Variants in DHRSX observed in about 807,000 individuals in gnomAD.
The protein encoded by DHRSX is dehydrogenase/reductase X-linked, also known as polyprenol dehydrogenase.
Under a neutral mutation model 34.0 loss-of-function variants are expected in DHRSX, and 31 were observed. The observed-to-expected ratio is 0.91, with a 90% CI of 0.69 to 1.23. The LOEUF is 1.23. Among genes scored for constraint, DHRSX ranks in the 50% most tolerant of loss-of-function variants. The pLI, the probability that DHRSX is intolerant of heterozygous loss-of-function variation, is 0.00. For synonymous variants in DHRSX, 201 were observed against 183.8 expected, an observed-to-expected ratio of 1.09 and a Z score of -0.76; for missense variants, 414 against 428.1, an observed-to-expected ratio of 0.97 and a Z score of 0.29.
chrX:2,399,733 A>AAG (rs2043462310), intron 3 of DHRSX, among the ~76,000 whole-genome samples: 1 of 140,588 alleles, frequency 7.1e-6, no homozygotes, highest in African/African-American at 2.7e-5. Context: ...AGCAAAAAAA[A>AAG]AAAAAAAAAC....
rs2016341371 is a variant in DHRSX at position 2,248,142 on chromosome X, A to G, written c.597-4912T>C. On this transcript the variant is annotated intron_variant, in intron 5 of 6. Coordinates refer to ENST00000334651, the MANE Select transcript of DHRSX (RefSeq NM_145177.3). ...GGGAAACATCACCTCTACTGAAAAT[A>G]CAAACATTAGGCCGGGCACGGTGGC... Among the ~76,000 whole-genome samples the G allele has an allele frequency of 2.6e-5, 4 of 152,008 alleles. No homozygotes were observed. The South Asian group carries it at 8.3e-4, about 31-fold the overall frequency.
At chrX:2,371,479 T>C (rs1359492668) in intron 3 of DHRSX, among the ~76,000 whole-genome samples, 1 of 127,642 alleles carries the variant, frequency 7.8e-6, no homozygotes. Context: ...CCATAGACCC[T>C]CCTCCTCCCG....
Position 2,496,149 on chromosome X carries a change from A to G in DHRSX, c.109+4668T>C, listed in dbSNP as rs4892842. ...TGGTGGCGATAGTTAATAGTGTATTACATATTTCAAAATAGCTAAAAGAGG... is the reference window on the plus strand; with the variant it reads ...TGGTGGCGATAGTTAATAGTGTATTGCATATTTCAAAATAGCTAAAAGAGG... On this transcript the variant is annotated intron_variant, in intron 1 of 6. Transcript: ENST00000334651. Among the ~76,000 whole-genome samples the G allele has an allele frequency of 8.8e-3, 1,334 of 152,320 alleles. 40 individuals carry two copies. Among genetic ancestry groups the G allele is most frequent in the East Asian group, 0.086 (447 of 5,192 alleles).
chrX:2,302,849 A>C (rs1214604459), intron 3 of DHRSX, among the ~76,000 whole-genome samples: 2 of 152,114 alleles, frequency 1.3e-5, no homozygotes, highest in Non-Finnish European at 2.9e-5. Flanking sequence ...ATGTTTCTTA[A>C]ATGCATTTTT....
chrX:2,489,577 G>A (rs756445773), intron 1 of DHRSX: 7 of 1,612,684 alleles, frequency 4.3e-6, no homozygotes, highest in Non-Finnish European at 5.9e-6. Context: ...TGAGGTGGTG[G>A]TTGTTGCTGT....
chrX:2,452,694 A>G (rs7879495), intron 1 of DHRSX, among the ~76,000 whole-genome samples: 70,595 of 151,636 alleles, frequency 0.47, 19,350 homozygotes, highest in African/African-American at 0.75. Flanking sequence ...CTAAGGGACC[A>G]CTGCCAAGTA....
Position 2,447,923 on chromosome X carries a change from G to A in DHRSX, c.110-22619C>T, listed in dbSNP as rs138078623. Reference sequence around the variant, plus strand: ...AACATTTCAGTTGGAGGCCAGGAGCGGTGGCTTATGTCCGGAATCACAATG... The same window carrying A: ...AACATTTCAGTTGGAGGCCAGGAGCAGTGGCTTATGTCCGGAATCACAATG... On this transcript the variant is annotated intron_variant, in intron 1 of 6. Transcript: ENST00000334651. Among the ~76,000 whole-genome samples the A allele has an allele frequency of 3.5e-3, 517 of 149,600 alleles. 3 individuals carry two copies. Among genetic ancestry groups the A allele is most frequent in the African/African-American group, 0.012 (487 of 40,424 alleles).
chrX:2,266,837 T>C lies in DHRSX; in HGVS notation c.499A>G (p.Lys167Glu). ...LLTNLLLDTL[K>E]ESGSPGHSAR... Reference sequence around the variant, plus strand: ...CTGTGGCCAGGGGACCCAGACTCTTTCAGCGTATCCAAGAGAAGGTTGGTC... The same window carrying C: ...CTGTGGCCAGGGGACCCAGACTCTTCCAGCGTATCCAAGAGAAGGTTGGTC... Residue 167 changes from lysine to glutamate, a missense_variant, in exon 5 of 7, where the codon AAA becomes GAA. Lys to Glu is a moderately conservative substitution (Grantham distance 56, BLOSUM62 1). Transcript: ENST00000334651. 3.1e-6 allele frequency: 5 copies of C among 1,613,942 alleles called. No individual in the cohort carries two copies. The highest frequency in any genetic ancestry group is 4.2e-6 in the Non-Finnish European group (5 of 1,179,862).
rs2015499064 is a variant in DHRSX, at chrX:2,220,623, GAGTGC to G, written c.*413_*417del. 1 of 166,952 alleles carries G rather than the reference GAGTGC, an allele frequency of 6.0e-6. No homozygotes were observed. The highest frequency in any genetic ancestry group is 1.3e-5 in the Non-Finnish European group (1 of 77,844). The allele number at this position is 166,952 out of a possible 1,614,324, so 10.3% of individuals were successfully genotyped here. A position where few individuals can be genotyped will look rare whatever the true frequency, so the allele number is the denominator to read the frequency against. ...CAGCTGGGTCTCTGGAAAAATGAGT[GAGTGC>G]AGGAACAAAATCAAACAGGAGACCT... is the stretch of plus-strand genomic sequence containing the variant. On this transcript the variant is annotated 3_prime_UTR_variant, in exon 7 of 7. Transcript: ENST00000334651.
At chrX:2,347,021 T>G (rs1217344647) in intron 3 of DHRSX, among the ~76,000 whole-genome samples, 1 of 152,326 alleles carries the variant, frequency 6.6e-6, no homozygotes, top group East Asian at 1.9e-4. Context: ...GGTGTCTCTG[T>G]GCCATATTGT....
chrX:2,386,935 C>A (rs1257520888), intron 3 of DHRSX, among the ~76,000 whole-genome samples: 5 of 148,318 alleles, frequency 3.4e-5, no homozygotes, highest in Admixed American at 2.7e-4. Flanking sequence ...TATTTCTGCA[C>A]AATGTCATTA....
intron 3 of DHRSX, among the ~76,000 whole-genome samples, chrX:2,402,181 G>A (rs773328874): frequency 1.9e-4 from 29 of 152,296 alleles, no homozygotes; most frequent in Admixed American, 1.6e-3. Flanking sequence ...GACGTGAGCC[G>A]ACTTGCTTAA....
intron 4 of DHRSX, among the ~76,000 whole-genome samples, chrX:2,284,156 T>G (rs1422761950): frequency 2.0e-5 from 3 of 151,602 alleles, no homozygotes; most frequent in Non-Finnish European, 4.4e-5. Context: ...ATTCATTCCT[T>G]TGAATTCATT....
At chrX:2,389,479 G>C (rs1301472197) in intron 3 of DHRSX, among the ~76,000 whole-genome samples, 4 of 152,174 alleles carry the variant, frequency 2.6e-5, no homozygotes, top group East Asian at 3.9e-4. Flanking sequence ...GCTTGGGAGA[G>C]GGAGACAGGG....
At chrX:2,224,099 C>T (rs1426487606) in intron 6 of DHRSX, among the ~76,000 whole-genome samples, 1 of 152,226 alleles carries the variant, frequency 6.6e-6, no homozygotes, top group Admixed American at 6.5e-5. Flanking sequence ...CAAACAAATC[C>T]TTAAATCAGC....
At chrX:2,285,475 G>T (rs1445234117) in intron 4 of DHRSX, among the ~76,000 whole-genome samples, 1 of 152,178 alleles carries the variant, frequency 6.6e-6, no homozygotes, top group Non-Finnish European at 1.5e-5. Context: ...AGAATCTAAT[G>T]CTGCTGCTGA....
At chrX:2,277,229 GA>G (rs1324936865) in intron 4 of DHRSX, among the ~76,000 whole-genome samples, 1 of 7,766 alleles carries the variant, frequency 1.3e-4, no homozygotes, top group South Asian at 3.0e-3. Flanking sequence ...GAGAGAGAAG[GA>G]AGAGGAGGAA....
intron 1 of DHRSX, among the ~76,000 whole-genome samples, chrX:2,449,869 T>C (rs1371883893): frequency 6.6e-6 from 1 of 152,128 alleles, no homozygotes; most frequent in Non-Finnish European, 1.5e-5. Context: ...CTCAATCTCC[T>C]GTACTCAAGC....
intron 6 of DHRSX, among the ~76,000 whole-genome samples, chrX:2,232,202 A>T (rs67115939): frequency 0.8 from 121,569 of 151,464 alleles, 49,117 homozygotes; most frequent in East Asian, 0.95. Flanking sequence ...AGCTTTTCCT[A>T]AAAAAAAACT....
Sources: gnomAD v4.1 joint callset for allele counts (sites outside exome capture counted in the v4.1 genomes callset) on GRCh38, gnomAD v4.1.1 for gene constraint, MANE v1.5 for transcripts, NCBI Gene and HGNC (gene_info 2026-07-23, HGNC 2026-07-21) for gene names.